NRG2: variants seen among roughly 807,000 people sequenced by gnomAD.
NRG2 encodes pro-neuregulin-2, membrane-bound isoform.
Under a neutral mutation model 73.9 loss-of-function variants are expected in NRG2, and 27 were observed. That is an observed-to-expected ratio of 0.37 (90% CI 0.27 to 0.50). NRG2 has a LOEUF of 0.50. NRG2 is among the 20% of genes least tolerant of loss of function. The pLI is 0.96. For missense variants in NRG2, 1,126 were observed against 1,210.1 expected, an observed-to-expected ratio of 0.93 and a Z score of 1.03; for synonymous variants, 532 against 541.0, an observed-to-expected ratio of 0.98 and a Z score of 0.23.
At chr5:139,959,479 C>T (rs540723892) in intron 1 of NRG2, among the ~76,000 whole-genome samples, 6 of 152,322 alleles carry the variant, frequency 3.9e-5, no homozygotes, top group African/African-American at 9.6e-5. Flanking sequence ...TAGGTTCAAG[C>T]GATTCTCCTG....
rs1424261454 is a variant in NRG2, at chr5:139,851,703, C to T, written c.1673G>A (p.Arg558Lys). 6.2e-7 allele frequency: 1 copy of T among 1,614,088 alleles called. No homozygotes were observed. Among genetic ancestry groups the T allele is most frequent in the African/African-American group, 1.3e-5 (1 of 74,960 alleles). Residue 558 changes from arginine to lysine, a missense_variant, in exon 9 of 10, where the codon AGG (arginine) becomes AAG (lysine). Physicochemically the swap from Arg to Lys is conservative, Grantham distance 26. This residue lies in a region of NRG2 where 539 missense variants were observed against 703.2 expected (regional missense o/e 0.77). Transcript: ENST00000361474. The surrounding 1 kb of genome is among the most constrained non-coding windows in gnomAD (Gnocchi z 4.2). Reference protein sequence around the residue: ...NSPACVEARARRAAAYNLEER... With the variant: ...NSPACVEARAKRAAAYNLEER... The stretch of plus-strand genomic sequence containing the variant: ...CTCCAGGTTGTAGGCTGCTGCCCGC[C>T]TTGCCCGGGCCTCCACACATGCTGG...
intron 1 of NRG2, among the ~76,000 whole-genome samples, chr5:140,017,304 T>A (rs1359095603): frequency 6.6e-6 from 1 of 152,106 alleles, no homozygotes. Context: ...CACTGGGGCA[T>A]GTCCAGTTTG....
intron 6 of NRG2, among the ~76,000 whole-genome samples, chr5:139,855,224 C>T (rs1761729698): frequency 1.3e-5 from 2 of 152,198 alleles, no homozygotes; most frequent in African/African-American, 2.4e-5. Context: ...TCTCTGTGTT[C>T]CTCCCCAACA....
At chr5:139,883,233 C>A (rs368595161) in intron 2 of NRG2, among the ~76,000 whole-genome samples, 1 of 135,132 alleles carries the variant, frequency 7.4e-6, no homozygotes, top group African/African-American at 2.7e-5. Flanking sequence ...CACGCCCTCC[C>A]CCCTCCCCCC....
chr5:140,005,424 T>C (rs945064133), intron 1 of NRG2, among the ~76,000 whole-genome samples: 3 of 152,158 alleles, frequency 2.0e-5, no homozygotes, highest in African/African-American at 7.2e-5. Context: ...ACTATGAACA[T>C]AGACTGGTCA....
chr5:139,873,988 A>G (rs749854943), intron 3 of NRG2, among the ~76,000 whole-genome samples: 15 of 152,180 alleles, frequency 9.9e-5, no homozygotes, highest in Non-Finnish European at 1.9e-4. Context: ...AAGGGAAGAC[A>G]TTTGGGGAGC....
intron 1 of NRG2, among the ~76,000 whole-genome samples, chr5:140,011,019 G>C (rs1439745343): frequency 6.6e-6 from 1 of 152,194 alleles, no homozygotes; most frequent in Non-Finnish European, 1.5e-5. Context: ...TCCCACTACT[G>C]TTTGTCCTGC....
intron 3 of NRG2, 22 bp from the exon 4 acceptor site, chr5:139,871,863 G>A: frequency 6.2e-7 from 1 of 1,612,124 alleles, no homozygotes; most frequent in South Asian, 1.1e-5. Context: ...AGAGACATGT[G>A]CCAGTGACGC....
chr5:139,852,841 G>T lies in NRG2; in HGVS notation c.1416+63C>A, dbSNP rs889425506. 1.2e-6 allele frequency: 2 copies of T among 1,604,066 alleles called. No homozygotes were observed. Among genetic ancestry groups the T allele is most frequent in the African/African-American group, 1.3e-5 (1 of 74,378 alleles). On this transcript the variant is annotated intron_variant, in intron 7 of 9. Transcript: ENST00000361474. The surrounding 1 kb of genome is among the most constrained non-coding windows in gnomAD (Gnocchi z 4.4). ...CTGCTGCCCTGGCCCATCCTTGCAG[G>T]GGGCATGAGAAGGCTGGCTGTCCAC...
At chr5:140,006,817 T>C (rs1370281373) in intron 1 of NRG2, among the ~76,000 whole-genome samples, 1 of 152,186 alleles carries the variant, frequency 6.6e-6, no homozygotes, top group East Asian at 1.9e-4. Flanking sequence ...TTCTATATTT[T>C]CTCCAACAAA....
intron 1 of NRG2, among the ~76,000 whole-genome samples, chr5:139,930,759 C>G (rs1253074328): frequency 6.6e-6 from 1 of 152,190 alleles, no homozygotes; most frequent in African/African-American, 2.4e-5. Context: ...AGTGCAGCAG[C>G]CCATGGGTGG....
Position 139,869,951 on chromosome 5 carries a change from C to T in NRG2, c.1112+1770G>A, listed in dbSNP as rs1433792720. The stretch of plus-strand genomic sequence containing the variant: ...GGCACCTGTCCTGAGGGGCCAGAAC[C>T]TTCCCTGCCCGGACGAGGGCTGACT... On this transcript the variant is annotated intron_variant, in intron 4 of 9. Coordinates refer to ENST00000361474, the MANE Select transcript of NRG2 (RefSeq NM_004883.3). This position sits in a 1 kb window ranked among gnomAD's most constrained non-coding sequence, Gnocchi z 4.5. Among the ~76,000 whole-genome samples, 1 of 152,188 alleles carries T rather than the reference C, an allele frequency of 6.6e-6. No homozygotes were observed. Among genetic ancestry groups the T allele is most frequent in the Non-Finnish European group, 1.5e-5 (1 of 68,030 alleles).
At chr5:139,910,694 T>C (rs558693783) in intron 1 of NRG2, among the ~76,000 whole-genome samples, 1 of 152,260 alleles carries the variant, frequency 6.6e-6, no homozygotes, top group South Asian at 2.1e-4. Context: ...TTTGACCCTG[T>C]CCCCTTTTCC....
intron 1 of NRG2, among the ~76,000 whole-genome samples, chr5:139,893,259 A>C (rs9687305): frequency 6.6e-6 from 1 of 152,080 alleles, no homozygotes; most frequent in African/African-American, 2.4e-5. Context: ...TCAGATGAGC[A>C]TATTAGGTTG....
At chr5:139,857,413 C>T (rs73791209) in intron 5 of NRG2, among the ~76,000 whole-genome samples, 5,310 of 152,254 alleles carry the variant, frequency 0.035, 328 homozygotes, top group African/African-American at 0.12. Flanking sequence ...CTATTGGCAG[C>T]CTCTGTCCCA....
intron 1 of NRG2, among the ~76,000 whole-genome samples, chr5:139,944,503 C>T (rs1481240300): frequency 1.3e-5 from 2 of 152,032 alleles, no homozygotes; most frequent in African/African-American, 2.4e-5. Flanking sequence ...AGTGAGAATG[C>T]GAACTGTTTA....
chr5:139,908,573 A>G (rs551250927), intron 1 of NRG2, among the ~76,000 whole-genome samples: 1 of 152,336 alleles, frequency 6.6e-6, no homozygotes, highest in Non-Finnish European at 1.5e-5. Context: ...CAGAGAGGTG[A>G]GGTAATTTTT....
chr5:139,881,883 TC>T (rs1354887183), intron 2 of NRG2, among the ~76,000 whole-genome samples: 1 of 152,088 alleles, frequency 6.6e-6, no homozygotes, highest in Non-Finnish European at 1.5e-5. Flanking sequence ...GCCAAACCTC[TC>T]CTTCCTTCTC....
At chr5:139,863,025 C>A (rs1051243836) in intron 5 of NRG2, among the ~76,000 whole-genome samples, 1 of 152,176 alleles carries the variant, frequency 6.6e-6, no homozygotes, top group African/African-American at 2.4e-5. Context: ...TGCTGCCCTG[C>A]CCCCGCATAC....
Sources: gnomAD v4.1 joint callset for allele counts (sites outside exome capture counted in the v4.1 genomes callset) on GRCh38, gnomAD v4.1.1 for gene constraint, gnomAD v4.1.1 regional missense constraint, Gnocchi (gnomAD v3.1) non-coding constraint, MANE v1.5 for transcripts, NCBI Gene and HGNC (gene_info 2026-07-23, HGNC 2026-07-21) for gene names.